Variants in CFAP298 observed in about 807,000 individuals in gnomAD.
CFAP298 encodes the protein cilia- and flagella-associated protein 298.
In CFAP298, 38 loss-of-function variants were observed where a neutral mutation model predicts 41.0. That is an observed-to-expected ratio of 0.93 (90% CI 0.72 to 1.22). The LOEUF (loss-of-function observed/expected upper bound fraction) is 1.22. CFAP298 is among the 50% of genes most tolerant of loss of function. The pLI, the probability that CFAP298 is intolerant of heterozygous loss-of-function variation, is 0.00. For synonymous variants in CFAP298, 137 were observed against 135.3 expected (o/e 1.01, Z -0.09); for missense variants, 348 against 360.3 (o/e 0.97, Z 0.28).
intron 4 of CFAP298, 80 bp downstream of exon 4, chr21:32,604,045 C>A: frequency 1.4e-6 from 2 of 1,387,026 alleles, no homozygotes; most frequent in Non-Finnish European, 2.0e-6. Flanking sequence ...AACACTACAT[C>A]CAGAAGAGGG....
chr21:32,601,853 CTGG>C lies in CFAP298; in HGVS notation c.*7_*9del, dbSNP rs754794603. ...CTAATCTCTTTGGAAGTGTCATCAG[CTGG>C]TGAACTTCATCTTGGTCTCCACTTT... is the stretch of plus-strand genomic sequence containing the variant. On this transcript the variant is annotated 3_prime_UTR_variant, in exon 7 of 7. Transcript: ENST00000290155. 6.2e-6 allele frequency: 9 copies of C among 1,458,902 alleles called. No individual in the cohort carries two copies. In the East Asian group the frequency reaches 2.0e-4, roughly 33 times the overall value. The allele number at this position is 1,458,902 out of a possible 1,614,324, so 90.4% of individuals were successfully genotyped here. A position where few individuals can be genotyped will look rare whatever the true frequency, so the allele number is the denominator to read the frequency against.
At chr21:32,605,396 G>A (rs2038846028) in intron 3 of CFAP298, among the ~76,000 whole-genome samples, 1 of 152,176 alleles carries the variant, frequency 6.6e-6, no homozygotes, top group African/African-American at 2.4e-5. Flanking sequence ...ACAGTAACCT[G>A]TAGTCCGCGC....
chr21:32,611,341 T>TATATATATATA (rs1491095261), intron 1 of CFAP298, among the ~76,000 whole-genome samples: 58 of 118,408 alleles, frequency 4.9e-4, no homozygotes, highest in South Asian at 3.6e-3. Context: ...ATATATATAA[T>TATATATATATA]TTATTTATAT....
chr21:32,611,318 C>CATATATATATATATATATATAT (rs71193198), intron 1 of CFAP298, among the ~76,000 whole-genome samples: 90 of 114,798 alleles, frequency 7.8e-4, no homozygotes, highest in South Asian at 5.5e-3. Context: ...ACACACATAC[C>CATATATATATATATATATATAT]ATATATATAT....
intron 6 of CFAP298, 99 bp downstream of exon 6, chr21:32,602,173 G>T: frequency 1.7e-6 from 2 of 1,202,710 alleles, no homozygotes; most frequent in Non-Finnish European, 2.4e-6. Flanking sequence ...CCCCTCCCCG[G>T]CATTCTGCAG....
At position 32,608,166 on chromosome 21, in the gene CFAP298, G is replaced by A. The variant is rs150438639; in HGVS notation, c.308-450C>T. 2.2e-3 allele frequency among the ~76,000 whole-genome samples: 315 copies of A among 144,286 alleles called. 4 individuals carry two copies. The highest frequency in any genetic ancestry group is 7.9e-3 in the African/African-American group (303 of 38,360). The allele number at this position is 144,286 out of a possible 152,430, so 94.7% of individuals were successfully genotyped here. On this transcript the variant is annotated intron_variant, in intron 2 of 6. Transcript: ENST00000290155. ...GGCAGCTGGCTAAATTTGACCTGTAGCCCATAATTTGGTGACCCCTAGATC... is the reference window on the plus strand; with the variant it reads ...GGCAGCTGGCTAAATTTGACCTGTAACCCATAATTTGGTGACCCCTAGATC...
intron 2 of CFAP298, among the ~76,000 whole-genome samples, chr21:32,608,979 G>A (rs2038930090): frequency 6.6e-6 from 1 of 152,164 alleles, no homozygotes; most frequent in Non-Finnish European, 1.5e-5. Flanking sequence ...TTTTAATGCA[G>A]GTTAAAAAGA....
At chr21:32,609,725 A>C in intron 2 of CFAP298, 113 bp downstream of exon 2, 1 of 915,140 alleles carries the variant, frequency 1.1e-6, no homozygotes, top group Non-Finnish European at 1.6e-6. Context: ...AGATTGTGCC[A>C]CTGCACTCCA....
chr21:32,607,801 CAG>C (rs1027500323), intron 2 of CFAP298, 85 bp from the exon 3 acceptor site: 2 of 814,738 alleles, frequency 2.5e-6, no homozygotes, highest in Non-Finnish European at 4.0e-6. Flanking sequence ...CTGTCTGAGT[CAG>C]GGGGTAAATG....
At chr21:32,606,546 A>C (rs560196300) in intron 3 of CFAP298, among the ~76,000 whole-genome samples, 1 of 152,302 alleles carries the variant, frequency 6.6e-6, no homozygotes, top group African/African-American at 2.4e-5. Context: ...CACCACGCAA[A>C]CGACGGGCTC....
chr21:32,607,788 CCT>C, intron 2 of CFAP298, 72 bp from the exon 3 acceptor site: 2 of 902,226 alleles, frequency 2.2e-6, no homozygotes, highest in South Asian at 2.8e-5. Context: ...ACCTCAATCC[CCT>C]CTGTCTGAGT....
intron 2 of CFAP298, among the ~76,000 whole-genome samples, chr21:32,609,482 C>T (rs754600613): frequency 6.6e-6 from 1 of 152,160 alleles, no homozygotes; most frequent in African/African-American, 2.4e-5. Context: ...AATTTTTAAA[C>T]GTAAAGAACT....
intron 1 of CFAP298, among the ~76,000 whole-genome samples, chr21:32,611,349 T>C (rs963931886): frequency 2.2e-5 from 3 of 136,852 alleles, no homozygotes; most frequent in Non-Finnish European, 4.6e-5. Context: ...AATTTATTTA[T>C]ATTTATATAT....
At chr21:32,604,814 C>T (rs930532231) in intron 3 of CFAP298, among the ~76,000 whole-genome samples, 1 of 152,186 alleles carries the variant, frequency 6.6e-6, no homozygotes, top group Non-Finnish European at 1.5e-5. Flanking sequence ...TGTTAGGCCA[C>T]GGGAAGCGAC....
chr21:32,602,260 G>C lies in CFAP298; in HGVS notation c.762+12C>G, dbSNP rs751242770. 6.8e-6 allele frequency: 11 copies of C among 1,613,170 alleles called. No homozygotes were observed. The highest frequency in any genetic ancestry group is 8.5e-6 in the Non-Finnish European group (10 of 1,179,378). On this transcript the variant is annotated intron_variant, in intron 6 of 6. Coordinates refer to ENST00000290155, the MANE Select transcript of CFAP298 (RefSeq NM_021254.4). The stretch of plus-strand genomic sequence containing the variant: ...CGCCAGCACTGCAGAAAGCCCATCT[G>C]TCCCCTGCTACCTTGAGCTCCTCTT...
intron 4 of CFAP298, among the ~76,000 whole-genome samples, chr21:32,603,560 G>C (rs1047309643): frequency 6.6e-6 from 1 of 152,224 alleles, no homozygotes; most frequent in African/African-American, 2.4e-5. Context: ...GTTCGTCTTA[G>C]ACAGATCTGT....
At position 32,599,502 on chromosome 21, in the gene CFAP298, C is replaced by A. The variant is rs2038702518; in HGVS notation, c.*2361G>T. ...ACTTGGTTTCCTTTTGATATTGACT[C>A]AAACAGGGACTGGATTAAAAAAAGA... On this transcript the variant is annotated 3_prime_UTR_variant, in exon 7 of 7. Transcript: ENST00000290155. 6.6e-6 allele frequency among the ~76,000 whole-genome samples: 1 copy of A among 152,162 alleles called. No homozygotes were observed. The highest frequency in any genetic ancestry group is 6.6e-5 in the Admixed American group (1 of 15,266).
Position 32,609,937 on chromosome 21 carries a change from T to C in CFAP298, c.208A>G (p.Ile70Val). The change falls in exon 2 of 7, where the codon ATT becomes GTT. Residue 70 changes from isoleucine to valine, a missense_variant. Physicochemically the swap from Ile to Val is conservative, Grantham distance 29. Coordinates refer to ENST00000290155, the MANE Select transcript of CFAP298 (RefSeq NM_021254.4). ...PNMQGLTDDQIEELKLKDEWG... is the reference protein window; with the variant it reads ...PNMQGLTDDQVEELKLKDEWG... ...TCATCCTTCAATTTCAATTCTTCAA[T>C]CTGATCATCGGTCAGTCCTTGCATA... 6.2e-7 allele frequency: 1 copy of C among 1,614,096 alleles called. No individual in the cohort carries two copies. Among genetic ancestry groups the C allele is most frequent in the Non-Finnish European group, 8.5e-7 (1 of 1,179,950 alleles).
chr21:32,603,003 T>C (rs1473746780), intron 5 of CFAP298, 158 bp downstream of exon 5: 10 of 1,098,036 alleles, frequency 9.1e-6, no homozygotes, highest in African/African-American at 6.3e-5. Context: ...CCAGTTTTTG[T>C]TGGTGTGCAG....
Sources: gnomAD v4.1 joint callset for allele counts (sites outside exome capture counted in the v4.1 genomes callset) on GRCh38, gnomAD v4.1.1 for gene constraint, MANE v1.5 for transcripts, NCBI Gene and HGNC (gene_info 2026-07-23, HGNC 2026-07-21) for gene names.